NFASC: variants seen among roughly 807,000 people sequenced by gnomAD.
The protein encoded by NFASC is neurofascin homolog.
Under a neutral mutation model 147.5 loss-of-function variants are expected in NFASC, and 43 were observed. The ratio of observed to expected loss-of-function variants is 0.29; its 90% CI spans 0.23 to 0.38. NFASC has a LOEUF of 0.38. Ranked by LOEUF, NFASC falls within the 10% of genes least tolerant of loss-of-function variation. The probability of loss-of-function intolerance (pLI) is 1.00; values close to 1 mark genes in which losing one functional copy is unlikely to be tolerated. For synonymous variants in NFASC, 622 were observed against 665.5 expected (o/e 0.93, Z 1.01); for missense variants, 1,320 against 1,689.0 (o/e 0.78, Z 3.83).
intron 7 of NFASC, among the ~76,000 whole-genome samples, chr1:204,955,444 G>A (rs767547532): frequency 1.6e-4 from 24 of 152,112 alleles, no homozygotes; most frequent in Non-Finnish European, 3.2e-4. Flanking sequence ...ATTATTGGCC[G>A]GTCTGGATTT....
chr1:204,967,972 C>CATTAAAAAAAAAA, intron 8 of NFASC: 1 of 346,450 alleles, frequency 2.9e-6, no homozygotes. Context: ...CCTCCCCGTT[C>CATTAAAAAAAAAA]CAGGGAAGGG....
At chr1:204,886,509 A>C (rs561300112) in intron 1 of NFASC, among the ~76,000 whole-genome samples, 54 of 152,278 alleles carry the variant, frequency 3.5e-4, no homozygotes, top group African/African-American at 1.3e-3. Flanking sequence ...TCTCAAACCT[A>C]TCTCAGCTTG....
At position 205,015,858 on chromosome 1, in the gene NFASC, C is replaced by G. The variant is rs1022421117; in HGVS notation, c.3492-450C>G. On this transcript the variant is annotated intron_variant, in intron 29 of 29. Coordinates refer to ENST00000339876, the MANE Select transcript of NFASC (RefSeq NM_001005388.3). The surrounding 1 kb of genome is among the most constrained non-coding windows in gnomAD (Gnocchi z 4.0). ...AGTGTTTCCCTACAGAGTCACAGGT[C>G]TTGGGAGATCAAAGCTGGGCCAGCC... 2.0e-5 allele frequency among the ~76,000 whole-genome samples: 3 copies of G among 152,096 alleles called. No homozygotes were observed. The highest frequency in any genetic ancestry group is 4.4e-5 in the Non-Finnish European group (3 of 68,024).
chr1:204,836,251 G>C (rs1288972703), intron 1 of NFASC, among the ~76,000 whole-genome samples: 6 of 152,124 alleles, frequency 3.9e-5, no homozygotes. Flanking sequence ...CAGGGTAAAA[G>C]TCATTAAATA....
chr1:204,865,055 T>C (rs1459379454), intron 1 of NFASC, among the ~76,000 whole-genome samples: 1 of 152,246 alleles, frequency 6.6e-6, no homozygotes, highest in Non-Finnish European at 1.5e-5. Context: ...CTAAGAGTTT[T>C]ATGGTTTTAG....
In NFASC at chr1:204,987,681, C is replaced by T. The variant is rs771379204; in HGVS notation, c.2593+141C>T. The T allele has an allele frequency of 4.4e-6, 4 of 917,858 alleles. No individual in the cohort carries two copies. Among genetic ancestry groups the T allele is most frequent in the Non-Finnish European group, 6.8e-6 (4 of 588,628 alleles). 56.9% of individuals were successfully genotyped at this position (917,858 alleles called of 1,614,324 possible). ...GGATGGAGGGGCCAACGAAACAGTT[C>T]CCAATAGGATTAGGGGAGGCAGATG... On this transcript the variant is annotated intron_variant, in intron 22 of 29. Coordinates refer to ENST00000339876, the MANE Select transcript of NFASC (RefSeq NM_001005388.3). The surrounding 1 kb of genome is among the most constrained non-coding windows in gnomAD (Gnocchi z 4.4).
chr1:204,963,244 C>T (rs1209743115), intron 8 of NFASC, among the ~76,000 whole-genome samples: 2 of 152,204 alleles, frequency 1.3e-5, no homozygotes, highest in African/African-American at 4.8e-5. Flanking sequence ...AAGAGATTCA[C>T]TACCCAAGGA....
chr1:204,997,831 T>C (rs1306245417), intron 25 of NFASC: 2 of 255,870 alleles, frequency 7.8e-6, no homozygotes, highest in Non-Finnish European at 1.5e-5. Flanking sequence ...ACTGTACAGC[T>C]GGCCTGAGGG....
chr1:204,944,472 G>GGGGGGC, intron 3 of NFASC, 66 bp downstream of exon 3: 4 of 402,576 alleles, frequency 9.9e-6, no homozygotes, highest in Non-Finnish European at 1.5e-5. Flanking sequence ...GGAGGGGAGG[G>GGGGGGC]AAGGTCAGAG....
chr1:204,871,583 A>G (rs941913185), intron 1 of NFASC, among the ~76,000 whole-genome samples: 1 of 152,144 alleles, frequency 6.6e-6, no homozygotes, highest in Non-Finnish European at 1.5e-5. Context: ...ACCATCTCAA[A>G]CCAGCTGTCT....
rs1454964087 is a variant in NFASC, at chr1:204,979,219, T to TC, written c.1979-141dup. 1.1e-6 allele frequency: 1 copy of TC among 945,820 alleles called. No individual in the cohort carries two copies. The highest frequency in any genetic ancestry group is 2.6e-5 in the East Asian group (1 of 38,546). The allele number at this position is 945,820 out of a possible 1,614,324, so 58.6% of individuals were successfully genotyped here. ...AATGTACAGAGGCCTTGGTGTCTCT[T>TC]CCTGTGCCTTGGGAAGAATTCTCCT... On this transcript the variant is annotated intron_variant, in intron 18 of 29. Transcript: ENST00000339876. This position sits in a 1 kb window ranked among gnomAD's most constrained non-coding sequence, Gnocchi z 6.0.
At chr1:204,863,432 A>G (rs2076831971) in intron 1 of NFASC, among the ~76,000 whole-genome samples, 1 of 152,248 alleles carries the variant, frequency 6.6e-6, no homozygotes, top group Admixed American at 6.5e-5. Flanking sequence ...AGTTGTCTAT[A>G]TAATAGAAAA....
At chr1:204,860,716 C>G (rs989142896) in intron 1 of NFASC, among the ~76,000 whole-genome samples, 2 of 152,218 alleles carry the variant, frequency 1.3e-5, no homozygotes, top group Admixed American at 6.5e-5. Context: ...AAAGGAAACC[C>G]TCTACCAATG....
chr1:204,978,186 C>G (rs2095444453), intron 17 of NFASC, among the ~76,000 whole-genome samples: 1 of 152,202 alleles, frequency 6.6e-6, no homozygotes, highest in South Asian at 2.1e-4. Flanking sequence ...CCAAGTCCTT[C>G]TAGTGACCAT....
chr1:204,879,127 A>G (rs771221377), intron 1 of NFASC, among the ~76,000 whole-genome samples: 3 of 152,264 alleles, frequency 2.0e-5, no homozygotes, highest in Non-Finnish European at 2.9e-5. Context: ...GGCCTCTTCA[A>G]CTAGATTTAA....
Position 204,981,462 on chromosome 1 carries a change from A to G in NFASC, c.2248-336A>G, listed in dbSNP as rs185715459. Among the ~76,000 whole-genome samples the G allele has an allele frequency of 1.5e-3, 224 of 152,374 alleles. 2 individuals are homozygous for G. Among genetic ancestry groups the G allele is most frequent in the Middle Eastern group, 0.014 (4 of 294 alleles). On this transcript the variant is annotated intron_variant, in intron 20 of 29. Coordinates refer to ENST00000339876, the MANE Select transcript of NFASC (RefSeq NM_001005388.3). ...CTTTGGAGAAGTTTACCTTTTGTCT[A>G]TATTTTGCTTTATTGGTTGCTCCTG...
chr1:204,832,817 G>A (rs1373536525), intron 1 of NFASC, among the ~76,000 whole-genome samples: 1 of 152,222 alleles, frequency 6.6e-6, no homozygotes, highest in Non-Finnish European at 1.5e-5. Flanking sequence ...TAGGAGCATG[G>A]CTGAGGGGTC....
chr1:204,886,767 C>G (rs1425587060), intron 1 of NFASC, among the ~76,000 whole-genome samples: 1 of 152,178 alleles, frequency 6.6e-6, no homozygotes, highest in Non-Finnish European at 1.5e-5. Flanking sequence ...AAAGTTGGAA[C>G]TGGAGCCCAG....
At chr1:204,863,413 A>G (rs1226919560) in intron 1 of NFASC, among the ~76,000 whole-genome samples, 3 of 152,350 alleles carry the variant, frequency 2.0e-5, no homozygotes, top group East Asian at 3.9e-4. Flanking sequence ...TTTTATTGTG[A>G]TGAAACACAG....
Sources: gnomAD v4.1 joint callset for allele counts (sites outside exome capture counted in the v4.1 genomes callset) on GRCh38, gnomAD v4.1.1 for gene constraint, Gnocchi (gnomAD v3.1) non-coding constraint, MANE v1.5 for transcripts, NCBI Gene and HGNC (gene_info 2026-07-23, HGNC 2026-07-21) for gene names.